The following ING4 variants were observed in gnomAD, a reference collection of about 807,000 sequenced individuals.
ING4 encodes the protein inhibitor of growth family member 4.
ING4 carries 28 observed loss-of-function variants against 33.1 expected under a neutral mutation model. The observed-to-expected ratio is 0.85, with a 90% CI of 0.63 to 1.16. ING4 has a LOEUF of 1.16. Ranked by LOEUF, ING4 falls within the 50% of genes most tolerant of loss-of-function variation. The pLI is 0.00. For missense variants in ING4, 247 were observed against 314.7 expected, an observed-to-expected ratio of 0.78 and a Z score of 1.63; for synonymous variants, 87 against 104.4, an observed-to-expected ratio of 0.83 and a Z score of 1.02.
In ING4 at chr12:6,653,396, T is replaced by G; in HGVS notation, c.110A>C (p.Asp37Ala). Residue 37 changes from aspartate (D) to alanine (A), a missense_variant and splice_region_variant, in exon 3 of 8, where the codon GAC becomes GCC. Transcript: ENST00000341550. ...CAACTTGTCAATTTCAGCCTTCAGG[T>G]CTACAACAGAGACAGAGGCCTGGTC... is the stretch of plus-strand genomic sequence containing the variant. ...LMRDLDQRTE[D>A]LKAEIDKLAT... is the part of the protein sequence containing the mutation. 1.2e-6 allele frequency: 2 copies of G among 1,613,618 alleles called. No homozygotes were observed. The highest frequency in any genetic ancestry group is 1.7e-6 in the Non-Finnish European group (2 of 1,179,804).
At chr12:6,654,559 G>A (rs185148566) in intron 2 of ING4, among the ~76,000 whole-genome samples, 1 of 151,452 alleles carries the variant, frequency 6.6e-6, no homozygotes. Context: ...GGCTGGTCTT[G>A]AACTCCTGGT....
intron 2 of ING4, among the ~76,000 whole-genome samples, chr12:6,655,460 A>G (rs1949325143): frequency 6.6e-6 from 1 of 152,254 alleles, no homozygotes; most frequent in Admixed American, 6.5e-5. Context: ...GTCTGACTCT[A>G]ACATAGTGCA....
intron 2 of ING4, 46 bp downstream of exon 2, chr12:6,656,681 A>T (rs1469239864): frequency 9.4e-7 from 1 of 1,061,446 alleles, no homozygotes; most frequent in South Asian, 1.4e-5. Flanking sequence ...AAAATAAATG[A>T]TTACACACAC....
At position 6,651,134 on chromosome 12, in the gene ING4, C is replaced by T; in HGVS notation, c.*61G>A. 2 of 1,583,058 alleles carry T rather than the reference C, an allele frequency of 1.3e-6. No homozygotes were observed. The highest frequency in any genetic ancestry group is 1.7e-6 in the Non-Finnish European group (2 of 1,152,208). ...CCCTGGCCCCAGCACAGGCATTCCT[C>T]TGCCCACTAGCCCAAGTCAGGGGAT... On this transcript the variant is annotated 3_prime_UTR_variant, in exon 8 of 8. Coordinates refer to ENST00000341550, the MANE Select transcript of ING4 (RefSeq NM_016162.4).
intron 1 of ING4, among the ~76,000 whole-genome samples, chr12:6,660,993 A>G (rs1949529034): frequency 6.6e-6 from 1 of 151,938 alleles, no homozygotes; most frequent in Non-Finnish European, 1.5e-5. Context: ...GGGTTTCACT[A>G]TGTTAGCCAG....
At chr12:6,654,854 A>C (rs1949303874) in intron 2 of ING4, among the ~76,000 whole-genome samples, 1 of 151,812 alleles carries the variant, frequency 6.6e-6, no homozygotes, top group Non-Finnish European at 1.5e-5. Flanking sequence ...TCTCCCAAGT[A>C]GCTGGGACTA....
rs142380796 is a variant in ING4, at chr12:6,652,662, G to A, written c.497C>T (p.Thr166Ile). Residue 166 changes from threonine to isoleucine, a missense_variant and splice_region_variant, in exon 5 of 8, where the codon ACA (threonine) becomes ATA (isoleucine). By Grantham distance (89) the Thr-to-Ile change is moderately conservative (BLOSUM62 -1). This residue lies in a region of ING4 where 198 missense variants were observed against 221.2 expected (regional missense o/e 0.89). Transcript: ENST00000341550. ...GCAAAGGGCTCCCTGAATCACTCAC[G>A]TGCGCACGAGCTTTAACTTCTTCTG... Reference protein sequence around the residue: ...TAQKKLKLVRTSPEYGMPSVT... With the variant: ...TAQKKLKLVRISPEYGMPSVT... 20 of 1,613,084 alleles carry A rather than the reference G, an allele frequency of 1.2e-5. No homozygotes were observed. The highest frequency in any genetic ancestry group is 6.7e-5 in the African/African-American group (5 of 74,886).
intron 2 of ING4, 76 bp from the exon 3 acceptor site, chr12:6,653,472 T>G (rs1949250645): frequency 7.1e-7 from 1 of 1,418,104 alleles, no homozygotes; most frequent in African/African-American, 1.4e-5. Flanking sequence ...TTTTGTTCTT[T>G]GGACCTTTTC....
chr12:6,652,015 A>G (rs554768341), intron 6 of ING4, among the ~76,000 whole-genome samples: 1 of 151,582 alleles, frequency 6.6e-6, no homozygotes, highest in Admixed American at 6.6e-5. Flanking sequence ...GTGTGCCACT[A>G]TGCTCAGCTA....
At chr12:6,653,129 A>G in intron 3 of ING4, 79 bp from the exon 4 acceptor site, 1 of 1,593,934 alleles carries the variant, frequency 6.3e-7, no homozygotes, top group Non-Finnish European at 8.6e-7. Flanking sequence ...GAGTTTATGG[A>G]TCTCACAGAC....
At chr12:6,652,513 G>T in intron 5 of ING4, 95 bp from the exon 6 acceptor site, 1 of 1,438,380 alleles carries the variant, frequency 7.0e-7, no homozygotes, top group South Asian at 1.2e-5. Context: ...TAGGGCAAAT[G>T]ATTTGTGGCT....
At chr12:6,652,123 G>A (rs1949201722) in intron 6 of ING4, 148 bp downstream of exon 6, 1 of 999,158 alleles carries the variant, frequency 1.0e-6, no homozygotes, top group Admixed American at 2.3e-5. Flanking sequence ...GCCTCCCAAA[G>A]TGCTGGGATT....
intron 1 of ING4, among the ~76,000 whole-genome samples, chr12:6,660,173 C>G (rs1024216124): frequency 1.3e-5 from 2 of 152,080 alleles, no homozygotes; most frequent in African/African-American, 4.8e-5. Flanking sequence ...AAAAATGCCT[C>G]TACTTGCTGG....
At chr12:6,659,690 G>A (rs2136281296) in intron 1 of ING4, among the ~76,000 whole-genome samples, 1 of 151,716 alleles carries the variant, frequency 6.6e-6, no homozygotes, top group South Asian at 2.1e-4. Context: ...GCGGGCGCCT[G>A]TAGTCCCAGC....
intron 2 of ING4, chr12:6,656,499 A>G (rs986878014): frequency 9.1e-6 from 4 of 441,788 alleles, no homozygotes; most frequent in African/African-American, 8.5e-5. Flanking sequence ...CATAAAGAAC[A>G]CAGCATCTTT....
intron 5 of ING4, 49 bp downstream of exon 5, chr12:6,652,613 C>T (rs374088120): frequency 5.8e-6 from 9 of 1,539,926 alleles, no homozygotes; most frequent in African/African-American, 4.1e-5. Context: ...AGTGGGGCAC[C>T]GGGAGAGAAG....
chr12:6,652,915 A>C, intron 4 of ING4, 21 bp downstream of exon 4: 1 of 1,599,742 alleles, frequency 6.3e-7, no homozygotes, highest in Non-Finnish European at 8.6e-7. Flanking sequence ...CCCACCTCTC[A>C]CAGCCCCGCC....
At chr12:6,653,200 G>A (rs1162375874) in intron 3 of ING4, 30 bp downstream of exon 3, 1 of 1,612,304 alleles carries the variant, frequency 6.2e-7, no homozygotes, top group East Asian at 2.2e-5. Context: ...TAGATGGGAA[G>A]TAGGTGGGGA....
intron 1 of ING4, among the ~76,000 whole-genome samples, chr12:6,658,383 C>A (rs1949439855): frequency 6.6e-6 from 1 of 151,934 alleles, no homozygotes; most frequent in African/African-American, 2.4e-5. Context: ...CCAGAATGTC[C>A]TTTTTAAAAA....
Sources: gnomAD v4.1 joint callset for allele counts (sites outside exome capture counted in the v4.1 genomes callset) on GRCh38, gnomAD v4.1.1 for gene constraint, gnomAD v4.1.1 regional missense constraint, MANE v1.5 for transcripts, NCBI Gene and HGNC (gene_info 2026-07-23, HGNC 2026-07-21) for gene names.